The following ADAM22 variants were observed in gnomAD, a reference collection of about 807,000 sequenced individuals.
ADAM22 encodes the protein ADAM metallopeptidase domain 22.
A neutral mutation model predicts 144.6 loss-of-function variants in ADAM22; 65 were observed. The ratio of observed to expected loss-of-function variants is 0.45; its 90% CI spans 0.37 to 0.55. The LOEUF (loss-of-function observed/expected upper bound fraction) is 0.55, where lower values mean the gene tolerates loss of function less well. ADAM22 is among the 20% of genes least tolerant of loss of function. ADAM22 has a pLI of 0.00. For synonymous variants in ADAM22, 391 were observed against 412.6 expected (o/e 0.95, Z 0.63); for missense variants, 974 against 1,184.9 (o/e 0.82, Z 2.61).
At chr7:88,020,690 G>C (rs1367118349) in intron 3 of ADAM22, among the ~76,000 whole-genome samples, 1 of 152,164 alleles carries the variant, frequency 6.6e-6, no homozygotes, top group Non-Finnish European at 1.5e-5. Context: ...CAGTCCCTGA[G>C]ATCAGCAGAT....
intron 4 of ADAM22, among the ~76,000 whole-genome samples, chr7:88,080,734 A>T (rs1816297352): frequency 6.6e-6 from 1 of 152,212 alleles, no homozygotes; most frequent in African/African-American, 2.4e-5. Flanking sequence ...ATGCAAATAA[A>T]CTAGAAAATC....
chr7:88,047,842 T>C (rs1805079543), intron 3 of ADAM22, among the ~76,000 whole-genome samples: 1 of 152,042 alleles, frequency 6.6e-6, no homozygotes, highest in South Asian at 2.1e-4. Context: ...TATAAGTAAA[T>C]GGATCAAATA....
chr7:88,058,493 C>T (rs1808879432), intron 3 of ADAM22, among the ~76,000 whole-genome samples: 1 of 151,598 alleles, frequency 6.6e-6, no homozygotes. Context: ...ATTAAGGAAA[C>T]AAACAGAATT....
At chr7:87,991,226 T>C (rs942604337) in intron 3 of ADAM22, among the ~76,000 whole-genome samples, 2 of 152,168 alleles carry the variant, frequency 1.3e-5, no homozygotes, top group Non-Finnish European at 2.9e-5. Flanking sequence ...AGAATTGATT[T>C]CTAGTTTTTT....
At chr7:87,982,700 A>ATAAT (rs1853955774) in intron 3 of ADAM22, among the ~76,000 whole-genome samples, 8 of 56,058 alleles carry the variant, frequency 1.4e-4, no homozygotes, top group South Asian at 7.4e-4. Flanking sequence ...TATATATATA[A>ATAAT]TTTTTTTTTT....
At chr7:88,029,406 C>G (rs554177692) in intron 3 of ADAM22, among the ~76,000 whole-genome samples, 1 of 152,068 alleles carries the variant, frequency 6.6e-6, no homozygotes, top group South Asian at 2.1e-4. Context: ...TTTGTTGTTT[C>G]TACTTTTTAT....
At chr7:88,076,153 TCA>T (rs978880405) in intron 4 of ADAM22, among the ~76,000 whole-genome samples, 3 of 152,140 alleles carry the variant, frequency 2.0e-5, no homozygotes. Context: ...TTCTCCTGCC[TCA>T]GTCTCCCGAG....
At chr7:88,096,771 G>A (rs186284791) in intron 4 of ADAM22, among the ~76,000 whole-genome samples, 376 of 152,186 alleles carry the variant, frequency 2.5e-3, no homozygotes, top group African/African-American at 8.7e-3. Flanking sequence ...GGAACAAGAA[G>A]GGACTCTGGT....
At chr7:88,164,611 G>A (rs1842533328) in intron 23 of ADAM22, among the ~76,000 whole-genome samples, 1 of 151,982 alleles carries the variant, frequency 6.6e-6, no homozygotes, top group African/African-American at 2.4e-5. Context: ...GTAACATTGG[G>A]CAAATTTCTT....
chr7:88,131,475 C>A, intron 11 of ADAM22, 40 bp downstream of exon 11: 1 of 1,591,158 alleles, frequency 6.3e-7, no homozygotes, highest in Non-Finnish European at 8.6e-7. Context: ...TTTTTTGATT[C>A]CATGTTAAAT....
chr7:88,096,042 C>T (rs1164258551), intron 4 of ADAM22, among the ~76,000 whole-genome samples: 1 of 150,818 alleles, frequency 6.6e-6, no homozygotes, highest in Non-Finnish European at 1.5e-5. Flanking sequence ...CTCCCTCAGT[C>T]TCCTGAGTAG....
chr7:88,111,369 GTT>G (rs61627434), intron 5 of ADAM22, among the ~76,000 whole-genome samples: 2 of 149,122 alleles, frequency 1.3e-5, no homozygotes, highest in African/African-American at 4.9e-5. Flanking sequence ...AGTGCGTACT[GTT>G]TTTTTTTTCA....
intron 3 of ADAM22, among the ~76,000 whole-genome samples, chr7:88,040,126 AT>A (rs561864153): frequency 8.1e-5 from 12 of 147,942 alleles, no homozygotes; most frequent in South Asian, 4.3e-4. Context: ...CAACACTTCC[AT>A]TTTTTTTTTA....
In ADAM22 at chr7:88,143,133, G is replaced by A. The variant is rs1563314592; in HGVS notation, c.1320+8G>A. The stretch of plus-strand genomic sequence containing the variant: ...TTCAACAAACCTTCTAAGGTAATAA[G>A]TGTGGTTAATAAGGTTTATAATATT... On this transcript the variant is annotated splice_region_variant and intron_variant, in intron 15 of 31. Coordinates refer to ENST00000413139, the MANE Select transcript of ADAM22 (RefSeq NM_001324418.2). 2 of 1,557,228 alleles carry A rather than the reference G, an allele frequency of 1.3e-6. No homozygotes were observed. The highest frequency in any genetic ancestry group is 1.8e-6 in the Non-Finnish European group (2 of 1,130,446).
At chr7:88,133,164 A>G (rs1201920123) in intron 12 of ADAM22, among the ~76,000 whole-genome samples, 1 of 152,042 alleles carries the variant, frequency 6.6e-6, no homozygotes, top group African/African-American at 2.4e-5. Context: ...GGAGTTTGAG[A>G]CAAGCCTGGG....
chr7:88,200,949 CTGTG>C lies in ADAM22; in HGVS notation c.*4463_*4466del, dbSNP rs1181472850. ...GCTGAGCGGCAGCAGCCCATCCCAG[CTGTG>C]TGTGAGTAGCCCCGCTGTTAAAAGT... On this transcript the variant is annotated 3_prime_UTR_variant, in exon 32 of 32. Transcript: ENST00000413139. 6.6e-6 allele frequency: 1 copy of C among 152,294 alleles called. No individual in the cohort carries two copies. Among genetic ancestry groups the C allele is most frequent in the Non-Finnish European group, 1.5e-5 (1 of 68,094 alleles). 9.4% of individuals were successfully genotyped at this position (152,294 alleles called of 1,614,324 possible).
At chr7:87,967,107 C>T (rs1013211677) in intron 2 of ADAM22, among the ~76,000 whole-genome samples, 1 of 152,208 alleles carries the variant, frequency 6.6e-6, no homozygotes, top group Admixed American at 6.5e-5. Context: ...TGTTTGCTTC[C>T]CCTTCTGCCA....
intron 3 of ADAM22, among the ~76,000 whole-genome samples, chr7:88,008,606 T>C (rs1317782140): frequency 6.6e-6 from 1 of 151,454 alleles, no homozygotes; most frequent in East Asian, 1.9e-4. Context: ...TGTAGGGACA[T>C]GGATGAAATT....
Position 88,201,674 on chromosome 7 carries a change from G to A in ADAM22, c.*5183G>A, listed in dbSNP as rs939832468. The A allele has an allele frequency of 1.3e-5, 2 of 152,158 alleles. No individual in the cohort carries two copies. The highest frequency in any genetic ancestry group is 4.8e-5 in the African/African-American group (2 of 41,440). The allele number at this position is 152,158 out of a possible 1,614,324, so 9.4% of individuals were successfully genotyped here. A position where few individuals can be genotyped will look rare whatever the true frequency, so the allele number is the denominator to read the frequency against. On this transcript the variant is annotated 3_prime_UTR_variant, in exon 32 of 32. Transcript: ENST00000413139. The stretch of plus-strand genomic sequence containing the variant: ...ATATGGGGAAGCTTCAAGGCTGGCA[G>A]GCTTTTCATCAAGTAATCATCATTC...
Sources: allele counts gnomAD v4.1 joint callset (sites outside exome capture counted in the v4.1 genomes callset), GRCh38; gene constraint gnomAD v4.1.1; transcripts MANE v1.5; gene names NCBI Gene and HGNC (gene_info 2026-07-23, HGNC 2026-07-21).